Variants in GAS7 observed in about 807,000 individuals in gnomAD.
The protein encoded by GAS7 is growth arrest-specific protein 7.
In GAS7, 28 loss-of-function variants were observed where a neutral mutation model predicts 71.1. The ratio of observed to expected loss-of-function variants is 0.39; its 90% CI spans 0.29 to 0.54. GAS7 has a LOEUF of 0.54. GAS7 is among the 20% of genes least tolerant of loss of function. The pLI is 0.62. For synonymous variants in GAS7, 258 were observed against 245.8 expected (o/e 1.05, Z -0.46); for missense variants, 436 against 627.8 (o/e 0.69, Z 3.27).
In GAS7 at chr17:9,958,230, T is replaced by C. The variant is rs185305835; in HGVS notation, c.525+972A>G. On this transcript the variant is annotated intron_variant, in intron 5 of 13. Transcript: ENST00000432992. ...TCAGAGTCCACGTTCATCATCGTTA[T>C]ACTATATTGATTCCACGACTGACAC... is the stretch of plus-strand genomic sequence containing the variant. Among the ~76,000 whole-genome samples, 241 of 152,310 alleles carry C rather than the reference T, an allele frequency of 1.6e-3. 1 individual carries two copies. Among genetic ancestry groups the C allele is most frequent in the African/African-American group, 5.3e-3 (221 of 41,568 alleles).
At chr17:10,185,572 G>A (rs1478193588) in intron 1 of GAS7, among the ~76,000 whole-genome samples, 1 of 152,116 alleles carries the variant, frequency 6.6e-6, no homozygotes, top group Non-Finnish European at 1.5e-5. Flanking sequence ...CCCAAGTTCT[G>A]TGAGCCATCC....
At chr17:10,022,741 G>GT (rs1241134091) in intron 1 of GAS7, among the ~76,000 whole-genome samples, 2 of 152,188 alleles carry the variant, frequency 1.3e-5, no homozygotes, top group Admixed American at 1.3e-4. Context: ...CACACAGTCC[G>GT]TCTACGGCGA....
At position 10,124,874 on chromosome 17, in the gene GAS7, C is replaced by T. The variant is rs151066584; in HGVS notation, c.183+73334G>A. On this transcript the variant is annotated intron_variant, in intron 1 of 13. Coordinates refer to ENST00000432992, the MANE Select transcript of GAS7 (RefSeq NM_201433.2). ...TGGAGGTTGCAGTGAGCCGAGTTCG[C>T]GCTACTGCACTTCAGCCTGGGTGAC... is the stretch of plus-strand genomic sequence containing the variant. Among the ~76,000 whole-genome samples the T allele has an allele frequency of 6.6e-3, 999 of 151,898 alleles. 5 individuals carry two copies. The highest frequency in any genetic ancestry group is 9.7e-3 in the Non-Finnish European group (657 of 67,940).
intron 2 of GAS7, among the ~76,000 whole-genome samples, chr17:10,011,286 T>C (rs914785995): frequency 6.6e-6 from 1 of 152,226 alleles, no homozygotes; most frequent in Non-Finnish European, 1.5e-5. Context: ...AGCATCACTC[T>C]GCATGGTGGA....
At chr17:10,005,112 C>T (rs539965191) in intron 2 of GAS7, among the ~76,000 whole-genome samples, 60 of 146,284 alleles carry the variant, frequency 4.1e-4, no homozygotes, top group Non-Finnish European at 4.9e-4. Context: ...CATGTGTGTG[C>T]GTGTGCACGC....
At chr17:9,951,288 A>C (rs1437616882) in intron 5 of GAS7, among the ~76,000 whole-genome samples, 2 of 152,270 alleles carry the variant, frequency 1.3e-5, no homozygotes, top group Admixed American at 1.3e-4. Flanking sequence ...ATGACATTAA[A>C]GTAAATTGAG....
chr17:10,070,328 C>T (rs1362971220), intron 1 of GAS7, among the ~76,000 whole-genome samples: 4 of 145,590 alleles, frequency 2.7e-5, no homozygotes, highest in African/African-American at 1.0e-4. Flanking sequence ...GCTCTCCCTT[C>T]GTTCTCTCTC....
At chr17:10,059,918 G>T in intron 1 of GAS7, 6 of 565,508 alleles carry the variant, frequency 1.1e-5, no homozygotes, top group Non-Finnish European at 1.3e-5. Context: ...CTGCAATCGG[G>T]AAAGCATGTC....
rs921873643 is a variant in GAS7, at chr17:9,916,411, G to T, written c.*817C>A. On this transcript the variant is annotated 3_prime_UTR_variant, in exon 14 of 14. Transcript: ENST00000432992. ...AGCTGGATGAGGTCTTGATAACTGAGAACTTTGGAAAGCTTCCTCTAATGA... is the reference window on the plus strand; with the variant it reads ...AGCTGGATGAGGTCTTGATAACTGATAACTTTGGAAAGCTTCCTCTAATGA... 3 of 233,378 alleles carry T rather than the reference G, an allele frequency of 1.3e-5. No individual in the cohort carries two copies. The highest frequency in any genetic ancestry group is 2.5e-5 in the Non-Finnish European group (3 of 117,962). The allele number at this position is 233,378 out of a possible 1,614,324, so 14.5% of individuals were successfully genotyped here.
intron 5 of GAS7, among the ~76,000 whole-genome samples, chr17:9,949,228 G>A (rs2068909320): frequency 6.6e-6 from 1 of 152,160 alleles, no homozygotes. Flanking sequence ...ATGCGTCCAA[G>A]GGGCAGATCC....
intron 1 of GAS7, among the ~76,000 whole-genome samples, chr17:10,152,239 C>T (rs2074171989): frequency 6.6e-6 from 1 of 152,074 alleles, no homozygotes; most frequent in South Asian, 2.1e-4. Flanking sequence ...AGGGAAGTTC[C>T]CCGAAAAGAT....
At chr17:9,921,958 C>CAA (rs35195748) in intron 11 of GAS7, among the ~76,000 whole-genome samples, 4,831 of 89,066 alleles carry the variant, frequency 0.054, 337 homozygotes, top group African/African-American at 0.18. Context: ...GACTCCATCT[C>CAA]AAAAAAAAAA....
intron 1 of GAS7, among the ~76,000 whole-genome samples, chr17:10,058,408 C>T (rs993466408): frequency 3.3e-5 from 5 of 151,482 alleles, no homozygotes; most frequent in African/African-American, 4.9e-5. Flanking sequence ...ACCGAAATCA[C>T]GCCACTGCAC....
intron 1 of GAS7, among the ~76,000 whole-genome samples, chr17:10,097,598 T>C (rs2073654738): frequency 6.6e-6 from 1 of 152,182 alleles, no homozygotes; most frequent in South Asian, 2.1e-4. Context: ...GCTGAGTTTT[T>C]CACATTTTTA....
intron 1 of GAS7, among the ~76,000 whole-genome samples, chr17:10,049,729 T>G (rs1223243630): frequency 2.1e-5 from 3 of 143,844 alleles, no homozygotes; most frequent in African/African-American, 7.7e-5. Context: ...CACGCCATTC[T>G]CCAGCCTCAG....
chr17:10,029,520 T>TA (rs955194181), intron 1 of GAS7, among the ~76,000 whole-genome samples: 2 of 152,074 alleles, frequency 1.3e-5, no homozygotes, highest in African/African-American at 4.8e-5. Context: ...ATATATACTG[T>TA]AAAAAAATGA....
At position 9,969,906 on chromosome 17, in the gene GAS7, C is replaced by T; in HGVS notation, c.386-144G>A. The T allele has an allele frequency of 1.6e-6, 1 of 615,696 alleles. No individual in the cohort carries two copies. The highest frequency in any genetic ancestry group is 1.9e-5 in the South Asian group (1 of 51,936). 38.1% of individuals were successfully genotyped at this position (615,696 alleles called of 1,614,324 possible). On this transcript the variant is annotated intron_variant, in intron 3 of 13. Transcript: ENST00000432992. This position sits in a 1 kb window ranked among gnomAD's most constrained non-coding sequence, Gnocchi z 5.5. ...CGAAGACCATCCCTCAGGATCTGAT[C>T]TTATCTGTATCTGCAGAGCTGGAAA...
chr17:10,036,307 C>T, intron 1 of GAS7: 1 of 832,072 alleles, frequency 1.2e-6, no homozygotes, highest in East Asian at 2.4e-5. Context: ...ACCACCACAG[C>T]TCAGCAGTTA....
intron 1 of GAS7, among the ~76,000 whole-genome samples, chr17:10,022,764 C>T (rs569074700): frequency 2.0e-5 from 3 of 152,360 alleles, no homozygotes; most frequent in East Asian, 1.9e-4. Flanking sequence ...CGGACCTCCA[C>T]CCTAGCCTCA....
Sources: gnomAD v4.1 joint callset for allele counts (sites outside exome capture counted in the v4.1 genomes callset) on GRCh38, gnomAD v4.1.1 for gene constraint, Gnocchi (gnomAD v3.1) non-coding constraint, MANE v1.5 for transcripts, NCBI Gene and HGNC (gene_info 2026-07-23, HGNC 2026-07-21) for gene names.